REDIC1: variants seen among roughly 807,000 people sequenced by gnomAD.
The protein encoded by REDIC1 is regulator of DNA class I crossover intermediates 1.
At chr12:39,896,270 AT>A in the REDIC1 span, among the ~76,000 whole-genome samples, 1 of 133,386 alleles carries the variant, frequency 7.5e-6, no homozygotes, top group African/African-American at 2.7e-5. Context: ...ATGTGTGTAT[AT>A]ATGTATACAT....
At chr12:39,880,911 A>G in the REDIC1 span, among the ~76,000 whole-genome samples, 5 of 152,300 alleles carry the variant, frequency 3.3e-5, no homozygotes, top group East Asian at 9.6e-4. Flanking sequence ...TTGACCTATT[A>G]ATTCGTTCTA....
the REDIC1 span, chr12:39,736,715 A>G: frequency 6.6e-6 from 1 of 152,254 alleles, no homozygotes; most frequent in Non-Finnish European, 1.5e-5. Context: ...TTCAGGACAC[A>G]TGCCGTGGGT....
chr12:39,644,039 G>A, the REDIC1 span: 2 of 795,496 alleles, frequency 2.5e-6, no homozygotes, highest in Non-Finnish European at 3.8e-6. Context: ...AAATTTGGTT[G>A]CTCTCTTAAA....
the REDIC1 span, among the ~76,000 whole-genome samples, chr12:39,812,372 CTTTTCT>C: frequency 1.4e-5 from 2 of 142,068 alleles, no homozygotes; most frequent in Admixed American, 7.0e-5. Flanking sequence ...CTTTTCTTTT[CTTTTCT>C]TTTCTTTCTT....
the REDIC1 span, chr12:39,764,995 C>A: frequency 1.0e-6 from 1 of 994,424 alleles, no homozygotes; most frequent in Non-Finnish European, 1.4e-6. Flanking sequence ...AAAATAAGAA[C>A]TAAATATACA....
chr12:39,820,906 T>C, the REDIC1 span, among the ~76,000 whole-genome samples: 1 of 151,762 alleles, frequency 6.6e-6, no homozygotes, highest in Non-Finnish European at 1.5e-5. Context: ...ATATCAGAAT[T>C]TTATCTCCTG....
At chr12:39,894,739 G>A in the REDIC1 span, among the ~76,000 whole-genome samples, 1 of 152,302 alleles carries the variant, frequency 6.6e-6, no homozygotes, top group East Asian at 1.9e-4. Flanking sequence ...AGGTTCATTG[G>A]TAAATACCGG....
chr12:39,754,524 C>A, the REDIC1 span, among the ~76,000 whole-genome samples: 1 of 152,074 alleles, frequency 6.6e-6, no homozygotes, highest in Non-Finnish European at 1.5e-5. Flanking sequence ...AGACACACAA[C>A]TAATTATGGA....
the REDIC1 span, among the ~76,000 whole-genome samples, chr12:39,792,218 A>C: frequency 8.2e-6 from 1 of 121,908 alleles, no homozygotes; most frequent in Non-Finnish European, 1.7e-5. Flanking sequence ...TTATACAAAA[A>C]TCAATTCAAG....
chr12:39,825,723 T>C, the REDIC1 span, among the ~76,000 whole-genome samples: 1 of 152,080 alleles, frequency 6.6e-6, no homozygotes, highest in Non-Finnish European at 1.5e-5. Context: ...TGATTAGTAT[T>C]GCAAGAGGTT....
chr12:39,630,431 G>A, the REDIC1 span, among the ~76,000 whole-genome samples: 1 of 152,084 alleles, frequency 6.6e-6, no homozygotes, highest in African/African-American at 2.4e-5. Flanking sequence ...TGAGGGAGAG[G>A]TTACCATTTG....
the REDIC1 span, chr12:39,830,071 T>C: frequency 6.2e-7 from 1 of 1,612,534 alleles, no homozygotes. Context: ...GAAATATTAT[T>C]ATATATTCGT....
At chr12:39,783,022 C>T in the REDIC1 span, among the ~76,000 whole-genome samples, 2 of 152,062 alleles carry the variant, frequency 1.3e-5, no homozygotes, top group African/African-American at 2.4e-5. Flanking sequence ...CCTCCCCGCT[C>T]CCCCCACCCC....
chr12:39,767,132 G>A, the REDIC1 span, among the ~76,000 whole-genome samples: 1 of 152,002 alleles, frequency 6.6e-6, no homozygotes, highest in Non-Finnish European at 1.5e-5. Context: ...CTTATGAAAT[G>A]CATTTTTTAA....
the REDIC1 span, among the ~76,000 whole-genome samples, chr12:39,641,441 A>T: frequency 6.6e-6 from 1 of 151,906 alleles, no homozygotes; most frequent in Admixed American, 6.6e-5. Flanking sequence ...GGATATGTAC[A>T]AGATTTGTTT....
the REDIC1 span, among the ~76,000 whole-genome samples, chr12:39,728,512 G>A: frequency 6.6e-6 from 1 of 152,138 alleles, no homozygotes; most frequent in Non-Finnish European, 1.5e-5. Context: ...GATCATGATG[G>A]ATAAGCTTTT....
At chr12:39,712,042 C>CTACCTGTATGTATATATACT in the REDIC1 span, among the ~76,000 whole-genome samples, 15 of 135,022 alleles carry the variant, frequency 1.1e-4, no homozygotes, top group South Asian at 4.7e-4. Context: ...GTATATATAC[C>CTACCTGTATGTATATATACT]TACCTGTATG....
chr12:39,853,524 A>T, the REDIC1 span, among the ~76,000 whole-genome samples: 1 of 151,362 alleles, frequency 6.6e-6, no homozygotes, highest in South Asian at 2.1e-4. Context: ...GCTGGGCAAC[A>T]TTTTTTTCTC....
At chr12:39,661,831 G>A in the REDIC1 span, among the ~76,000 whole-genome samples, 17 of 152,140 alleles carry the variant, frequency 1.1e-4, no homozygotes, top group African/African-American at 4.1e-4. Context: ...TTTTGTATAT[G>A]GTGAGAAGTG....
Sources: allele counts gnomAD v4.1 joint callset (sites outside exome capture counted in the v4.1 genomes callset), GRCh38; gene constraint gnomAD v4.1.1; transcripts MANE v1.5; gene names NCBI Gene and HGNC (gene_info 2026-07-23, HGNC 2026-07-21).